The following ZSCAN25 variants were observed in gnomAD, a reference collection of about 807,000 sequenced individuals.
ZSCAN25 encodes zinc finger and SCAN domain-containing protein 25.
A neutral mutation model predicts 38.7 loss-of-function variants in ZSCAN25; 27 were observed. The ratio of observed to expected loss-of-function variants is 0.70; its 90% CI spans 0.51 to 0.96. The LOEUF (loss-of-function observed/expected upper bound fraction) is 0.96. Among genes scored for constraint, ZSCAN25 ranks in the 40% least tolerant of loss-of-function variants. ZSCAN25 has a pLI of 0.00. For synonymous variants in ZSCAN25, 273 were observed against 277.7 expected (o/e 0.98, Z 0.17); for missense variants, 637 against 705.9 (o/e 0.90, Z 1.11).
the ZSCAN25 span, among the ~76,000 whole-genome samples, chr7:99,702,133 A>G: frequency 7.1e-6 from 1 of 140,488 alleles, no homozygotes; most frequent in Admixed American, 7.6e-5. Flanking sequence ...TCTGTTGCCC[A>G]GGCTGGCATG....
the ZSCAN25 span, among the ~76,000 whole-genome samples, chr7:99,731,569 A>G: frequency 6.6e-6 from 1 of 152,200 alleles, no homozygotes; most frequent in Non-Finnish European, 1.5e-5. Context: ...TGTCTTCTGC[A>G]GTGATGATGA....
downstream of ZSCAN25, among the ~76,000 whole-genome samples, chr7:99,632,989 GTT>G (rs751799800): frequency 7.8e-5 from 10 of 128,494 alleles, no homozygotes; most frequent in Non-Finnish European, 8.0e-5. Flanking sequence ...ATTTTCTGTT[GTT>G]TTTTTTTTTT....
downstream of ZSCAN25, among the ~76,000 whole-genome samples, chr7:99,633,544 ATCAATGCAT>A (rs1199552965): frequency 6.6e-6 from 1 of 152,184 alleles, no homozygotes; most frequent in Non-Finnish European, 1.5e-5. Context: ...GTCTGTAGAA[ATCAATGCAT>A]TCATAGCTTT....
chr7:99,710,754 A>T, the ZSCAN25 span: 1 of 1,613,890 alleles, frequency 6.2e-7, no homozygotes, highest in Non-Finnish European at 8.5e-7. Context: ...AACTGTATCA[A>T]TTTCCTTCTG....
chr7:99,707,675 G>A, the ZSCAN25 span: 1 of 1,404,778 alleles, frequency 7.1e-7, no homozygotes, highest in Admixed American at 2.1e-5. Flanking sequence ...AAAGATCATA[G>A]ATGGGTCCAA....
At chr7:99,735,062 G>A in the ZSCAN25 span, 1 of 1,614,078 alleles carries the variant, frequency 6.2e-7, no homozygotes, top group South Asian at 1.1e-5. Context: ...GAGAAGCCAG[G>A]TTTCCACGGC....
At chr7:99,666,380 A>C in the ZSCAN25 span, among the ~76,000 whole-genome samples, 1 of 152,172 alleles carries the variant, frequency 6.6e-6, no homozygotes, top group African/African-American at 2.4e-5. Flanking sequence ...TTAACAGATA[A>C]GTAAATCCTG....
the ZSCAN25 span, among the ~76,000 whole-genome samples, chr7:99,704,213 G>A: frequency 6.6e-6 from 1 of 152,192 alleles, no homozygotes; most frequent in Middle Eastern, 3.4e-3. Context: ...CAGGGGAGAT[G>A]GGCTGAAAAC....
chr7:99,717,309 A>G, the ZSCAN25 span: 7 of 1,613,584 alleles, frequency 4.3e-6, no homozygotes, highest in African/African-American at 4.0e-5. Context: ...ATGTGCAGAC[A>G]TAAGTCCCAG....
In ZSCAN25 at chr7:99,629,060, C is replaced by T. The variant is rs978480850; in HGVS notation, c.806-131C>T. The T allele has an allele frequency of 7.8e-7, 1 of 1,280,768 alleles. No homozygotes were observed. Among genetic ancestry groups the T allele is most frequent in the Non-Finnish European group, 1.1e-6 (1 of 945,196 alleles). The allele number at this position is 1,280,768 out of a possible 1,614,324, so 79.3% of individuals were successfully genotyped here. The stretch of plus-strand genomic sequence containing the variant: ...ATAAGGAAAAAGAAGTAAGGAAAGC[C>T]TGAGTTGAGGTTGTTGGTCAAAGGA... On this transcript the variant is annotated intron_variant, in intron 7 of 7. Coordinates refer to ENST00000394152, the MANE Select transcript of ZSCAN25 (RefSeq NM_145115.3). This position sits in a 1 kb window ranked among gnomAD's most constrained non-coding sequence, Gnocchi z 5.6.
the ZSCAN25 span, among the ~76,000 whole-genome samples, chr7:99,648,756 G>A: frequency 6.6e-6 from 1 of 151,858 alleles, no homozygotes; most frequent in Admixed American, 6.6e-5. Flanking sequence ...TATTTTGGAA[G>A]TGCTATATAA....
At chr7:99,705,512 T>G in the ZSCAN25 span, 1 of 1,613,610 alleles carries the variant, frequency 6.2e-7, no homozygotes, top group East Asian at 2.2e-5. Context: ...AGGCTCCACT[T>G]ACGGTCTCAT....
At chr7:99,701,883 T>G in the ZSCAN25 span, among the ~76,000 whole-genome samples, 2 of 152,122 alleles carry the variant, frequency 1.3e-5, no homozygotes, top group African/African-American at 4.8e-5. Flanking sequence ...TTTTCTCCCA[T>G]TCTGTGGTTT....
At chr7:99,686,684 A>G in the ZSCAN25 span, among the ~76,000 whole-genome samples, 2 of 152,138 alleles carry the variant, frequency 1.3e-5, no homozygotes, top group Admixed American at 6.5e-5. Context: ...GCAGCTGGAG[A>G]TCTGAGAACG....
At chr7:99,667,684 A>T in the ZSCAN25 span, among the ~76,000 whole-genome samples, 1 of 152,256 alleles carries the variant, frequency 6.6e-6, no homozygotes, top group African/African-American at 2.4e-5. Context: ...TCAAGCCAGC[A>T]TGCTTGGAAC....
At chr7:99,647,588 T>G in the ZSCAN25 span, 1 of 984,838 alleles carries the variant, frequency 1.0e-6, no homozygotes, top group Non-Finnish European at 1.2e-6. Context: ...AAATCATAAC[T>G]AATAATATGA....
At chr7:99,660,611 G>A in the ZSCAN25 span, 1 of 1,613,964 alleles carries the variant, frequency 6.2e-7, no homozygotes, top group Non-Finnish European at 8.5e-7. Flanking sequence ...TTCATAGCCA[G>A]CAAAAATGAA....
At chr7:99,686,977 G>A in the ZSCAN25 span, among the ~76,000 whole-genome samples, 1 of 152,206 alleles carries the variant, frequency 6.6e-6, no homozygotes, top group South Asian at 2.1e-4. Flanking sequence ...CTGTCAGAAG[G>A]AAAACTAACA....
chr7:99,703,226 T>A, the ZSCAN25 span, among the ~76,000 whole-genome samples: 1 of 152,220 alleles, frequency 6.6e-6, no homozygotes, highest in Admixed American at 6.5e-5. Context: ...AAATATCATT[T>A]CCAAACATTA....
Sources: gnomAD v4.1 joint callset for allele counts (sites outside exome capture counted in the v4.1 genomes callset) on GRCh38, gnomAD v4.1.1 for gene constraint, Gnocchi (gnomAD v3.1) non-coding constraint, MANE v1.5 for transcripts, NCBI Gene and HGNC (gene_info 2026-07-23, HGNC 2026-07-21) for gene names.